The following NELFA variants were observed in gnomAD, a reference collection of about 807,000 sequenced individuals.
NELFA encodes negative elongation factor complex member A, also known as negative elongation factor A.
Under a neutral mutation model 51.8 loss-of-function variants are expected in NELFA, and 35 were observed. That is an observed-to-expected ratio of 0.68 (90% CI 0.52 to 0.90). The LOEUF (loss-of-function observed/expected upper bound fraction) is 0.90. Ranked by LOEUF, NELFA falls within the 40% of genes least tolerant of loss-of-function variation. NELFA has a pLI of 0.00. For missense variants in NELFA, 658 were observed against 746.4 expected (o/e 0.88, Z 1.38); for synonymous variants, 417 against 338.4 (o/e 1.23, Z -2.55).
Position 1,989,410 on chromosome 4 carries a change from C to T in NELFA, c.544+298G>A, listed in dbSNP as rs1307840410. The stretch of plus-strand genomic sequence containing the variant: ...TGGTGTGATCACAGCTCACTGCAGC[C>T]TCAACCTCGTGGGCTCAGGTGATCC... On this transcript the variant is annotated intron_variant, in intron 3 of 10. Coordinates refer to ENST00000382882, the MANE Select transcript of NELFA (RefSeq NM_005663.5). The surrounding 1 kb of genome is among the most constrained non-coding windows in gnomAD (Gnocchi z 4.8). 2.0e-5 allele frequency among the ~76,000 whole-genome samples: 3 copies of T among 152,206 alleles called. No individual in the cohort carries two copies. Among genetic ancestry groups the T allele is most frequent in the African/African-American group, 2.4e-5 (1 of 41,448 alleles).
At chr4:1,990,876 C>T (rs1272265434) in intron 2 of NELFA, among the ~76,000 whole-genome samples, 1 of 152,266 alleles carries the variant, frequency 6.6e-6, no homozygotes, top group Non-Finnish European at 1.5e-5. Context: ...TCATGGCTCA[C>T]TGCAGCCTTG....
At position 1,988,026 on chromosome 4, in the gene NELFA, A is replaced by G. The variant is rs1436519207; in HGVS notation, c.545-19T>C. 15 of 1,602,558 alleles carry G rather than the reference A, an allele frequency of 9.4e-6. No homozygotes were observed. The highest frequency in any genetic ancestry group is 2.2e-5 in the South Asian group (2 of 89,878). Reference sequence around the variant, plus strand: ...TCCGTGGCTGGAAGGAAGAGGTCACATATGTCAGGGATCCTCAGAGCGAGA... The same window carrying G: ...TCCGTGGCTGGAAGGAAGAGGTCACGTATGTCAGGGATCCTCAGAGCGAGA... On this transcript the variant is annotated intron_variant, in intron 3 of 10. Transcript: ENST00000382882.
rs568511546 is a variant in NELFA at position 2,002,157 on chromosome 4, G to A, written c.210+6593C>T. 5.5e-4 allele frequency among the ~76,000 whole-genome samples: 83 copies of A among 152,030 alleles called. No individual in the cohort carries two copies. In the South Asian group the frequency reaches 0.011, roughly 21 times the overall value. ...GGAGCTTGCAATGAGCCAAGATCGC[G>A]CCACTGCACTCCAGCCTGGGCGACA... On this transcript the variant is annotated intron_variant, in intron 1 of 10. Transcript: ENST00000382882.
intron 1 of NELFA, among the ~76,000 whole-genome samples, chr4:1,999,037 T>G (rs979898763): frequency 3.3e-5 from 5 of 152,070 alleles, no homozygotes; most frequent in African/African-American, 1.2e-4. Flanking sequence ...GAATTTAATA[T>G]CCAGCCAAAC....
At chr4:1,991,198 T>G (rs2109059461) in intron 2 of NELFA, among the ~76,000 whole-genome samples, 1 of 152,334 alleles carries the variant, frequency 6.6e-6, no homozygotes, top group South Asian at 2.1e-4. Flanking sequence ...GGCCAGGGAA[T>G]GCTCTGGGCC....
chr4:2,003,229 T>C (rs1337563718), intron 1 of NELFA, among the ~76,000 whole-genome samples: 1 of 152,010 alleles, frequency 6.6e-6, no homozygotes, highest in South Asian at 2.1e-4. Context: ...CAGGAAACAA[T>C]AGATGCTAGC....
intron 1 of NELFA, among the ~76,000 whole-genome samples, chr4:1,992,901 G>A (rs1173590554): frequency 6.6e-6 from 1 of 152,222 alleles, no homozygotes; most frequent in Admixed American, 6.5e-5. Flanking sequence ...GCGTGGCCCA[G>A]CCCCTTCTGT....
In NELFA at chr4:1,992,380, C is replaced by T. The variant is rs373807341; in HGVS notation, c.211-665G>A. The T allele has an allele frequency of 4.5e-5, 14 of 313,142 alleles. No individual in the cohort carries two copies. In the East Asian group the frequency reaches 7.3e-4, roughly 16 times the overall value. 19.4% of individuals were successfully genotyped at this position (313,142 alleles called of 1,614,324 possible). A position where few individuals can be genotyped will look rare whatever the true frequency, so the allele number is the denominator to read the frequency against. ...GGGCGACGTGCGTGGAGGAAGCAGG[C>T]GCACCCCGTGCTCCCTCAATACCTG... On this transcript the variant is annotated intron_variant, in intron 1 of 10. Coordinates refer to ENST00000382882, the MANE Select transcript of NELFA (RefSeq NM_005663.5).
intron 3 of NELFA, among the ~76,000 whole-genome samples, chr4:1,988,750 G>A (rs1728186762): frequency 6.6e-6 from 1 of 152,160 alleles, no homozygotes; most frequent in Admixed American, 6.5e-5. Context: ...AACGTTAACT[G>A]AAATGATTAA....
chr4:1,999,193 C>T (rs530344275), intron 1 of NELFA, among the ~76,000 whole-genome samples: 3 of 151,360 alleles, frequency 2.0e-5, no homozygotes, highest in Non-Finnish European at 2.9e-5. Flanking sequence ...ACTGAAAAAA[C>T]ACACCAAAAT....
chr4:1,996,286 G>A (rs1728420856), intron 1 of NELFA, among the ~76,000 whole-genome samples: 1 of 152,058 alleles, frequency 6.6e-6, no homozygotes, highest in African/African-American at 2.4e-5. Flanking sequence ...AATTACACAG[G>A]GATCAGTGAA....
intron 1 of NELFA, among the ~76,000 whole-genome samples, chr4:2,007,533 TATG>T (rs769446573): frequency 3.9e-5 from 6 of 152,134 alleles, no homozygotes; most frequent in Admixed American, 1.3e-4. Flanking sequence ...CAAAATACAC[TATG>T]ATACCATCAC....
In NELFA at chr4:1,984,147, G is replaced by T. The variant is rs754926531; in HGVS notation, c.1037-34C>A. ...AGACCGGGGCCTGGTGAGGGGGCTGGACCCCCACCCTGTTCCCAAACCCTA... is the reference window on the plus strand; with the variant it reads ...AGACCGGGGCCTGGTGAGGGGGCTGTACCCCCACCCTGTTCCCAAACCCTA... On this transcript the variant is annotated intron_variant, in intron 8 of 10. Transcript: ENST00000382882. 29 of 1,496,642 alleles carry T rather than the reference G, an allele frequency of 1.9e-5. 1 individual carries two copies. The Middle Eastern group carries it at 9.7e-4, about 50-fold the overall frequency. 92.7% of individuals were successfully genotyped at this position (1,496,642 alleles called of 1,614,324 possible).
Position 1,984,066 on chromosome 4 carries a change from G to C in NELFA, c.1084C>G (p.Pro362Ala), listed in dbSNP as rs1057035677. 1 of 1,597,498 alleles carries C rather than the reference G, an allele frequency of 6.3e-7. No homozygotes were observed. Among genetic ancestry groups the C allele is most frequent in the Non-Finnish European group, 8.5e-7 (1 of 1,176,384 alleles). Residue 362 changes from proline to alanine, a missense_variant, in exon 9 of 11, where the codon CCG (proline) becomes GCG (alanine). By Grantham distance (27) the Pro-to-Ala change is conservative. Coordinates refer to ENST00000382882, the MANE Select transcript of NELFA (RefSeq NM_005663.5). ...AACTGCGCTGGCAACGTGGGGCTCG[G>C]GGCGCTGGGCTCCTCTGGTGGGCGG... The part of the protein sequence containing the change: ...ASRPPEEPSA[P>A]SPTLPAQFKQ...
At chr4:1,984,627 G>A (rs1406335856) in intron 8 of NELFA, among the ~76,000 whole-genome samples, 181 bp downstream of exon 8, 3 of 152,242 alleles carry the variant, frequency 2.0e-5, no homozygotes, top group Non-Finnish European at 2.9e-5. Context: ...CAAAGCAGCT[G>A]GTTTATGTCT....
chr4:2,007,739 G>C (rs893094596), intron 1 of NELFA, among the ~76,000 whole-genome samples: 1 of 152,192 alleles, frequency 6.6e-6, no homozygotes, highest in African/African-American at 2.4e-5. Context: ...AGGATCACAG[G>C]AGTGGCTCGC....
Position 1,986,398 on chromosome 4 carries a change from T to G in NELFA, c.639A>C (p.Pro213=). Residue 213 remains proline (P), a synonymous_variant, in exon 5 of 11, where the codon CCA becomes CCC. Transcript: ENST00000382882. The part of the protein sequence containing the change: ...GLLRKMDTTT[P]LKGIPKQAPF... ...GCGCCTGCTTCGGGATGCCTTTGAG[T>G]GGGGCTGGAGGACGGCAACAGTCAG... is the stretch of plus-strand genomic sequence containing the variant. 1 of 1,612,378 alleles carries G rather than the reference T, an allele frequency of 6.2e-7. No homozygotes were observed. The highest frequency in any genetic ancestry group is 8.5e-7 in the Non-Finnish European group (1 of 1,179,514).
Position 1,984,794 on chromosome 4 carries a change from G to A in NELFA, c.1036+14C>T. ...GCAGCTTGGCTGGTTCCAGGCTGGGGCCAGCAGACTCACCTGGGGGCGTCT... is the reference window on the plus strand; with the variant it reads ...GCAGCTTGGCTGGTTCCAGGCTGGGACCAGCAGACTCACCTGGGGGCGTCT... On this transcript the variant is annotated intron_variant, in intron 8 of 10. Coordinates refer to ENST00000382882, the MANE Select transcript of NELFA (RefSeq NM_005663.5). 3 of 1,544,320 alleles carry A rather than the reference G, an allele frequency of 1.9e-6. No homozygotes were observed. The highest frequency in any genetic ancestry group is 2.4e-5 in the South Asian group (2 of 83,650).
chr4:1,984,821 G>A lies in NELFA; in HGVS notation c.1023C>T (p.Ser341=), dbSNP rs372996633. The A allele has an allele frequency of 1.4e-4, 220 of 1,564,310 alleles. No homozygotes were observed. The highest frequency in any genetic ancestry group is 3.3e-4 in the Middle Eastern group (2 of 6,010). ...CAGCAGACTCACCTGGGGGCGTCTC[G>A]GAGCTGGGGATGTAGGAGGAGGCGG... ...VVPASSYIPS[S]ETPPAPSSRE... The change falls in exon 8 of 11, where the codon TCC becomes TCT. Residue 341 remains serine (S), a synonymous_variant. Transcript: ENST00000382882.
Sources: gnomAD v4.1 joint callset for allele counts (sites outside exome capture counted in the v4.1 genomes callset) on GRCh38, gnomAD v4.1.1 for gene constraint, Gnocchi (gnomAD v3.1) non-coding constraint, MANE v1.5 for transcripts, NCBI Gene and HGNC (gene_info 2026-07-23, HGNC 2026-07-21) for gene names.